The following RAD18 variants were observed in gnomAD, a reference collection of about 807,000 sequenced individuals.
RAD18 encodes RAD18 E3 ubiquitin protein ligase.
In RAD18, 47 loss-of-function variants were observed where a neutral mutation model predicts 60.4. The ratio of observed to expected loss-of-function variants is 0.78; its 90% CI spans 0.62 to 0.99. The LOEUF is 0.99. Ranked by LOEUF, RAD18 falls within the 50% of genes least tolerant of loss-of-function variation. The pLI, the probability that RAD18 is intolerant of heterozygous loss-of-function variation, is 0.00. For synonymous variants in RAD18, 225 were observed against 195.5 expected (o/e 1.15, Z -1.26); for missense variants, 640 against 593.3 (o/e 1.08, Z -0.82).
At chr3:8,950,667 T>C (rs533100613) in intron 2 of RAD18, among the ~76,000 whole-genome samples, 56 of 152,280 alleles carry the variant, frequency 3.7e-4, no homozygotes, top group Middle Eastern at 3.4e-3. Flanking sequence ...ACACACAGTT[T>C]GAAGAAACTG....
At chr3:8,963,195 G>A in intron 1 of RAD18, 140 bp downstream of exon 1, 2 of 931,254 alleles carry the variant, frequency 2.1e-6, no homozygotes, top group Non-Finnish European at 3.1e-6. Flanking sequence ...GTCGGCTAGT[G>A]GCAGGGCAGA....
intron 2 of RAD18, among the ~76,000 whole-genome samples, chr3:8,954,970 AATC>A (rs1165333536): frequency 6.6e-6 from 1 of 152,166 alleles, no homozygotes; most frequent in African/African-American, 2.4e-5. Context: ...TAAAATAAAA[AATC>A]ATCATTACTG....
intron 9 of RAD18, among the ~76,000 whole-genome samples, chr3:8,905,023 C>G (rs1939980351): frequency 6.6e-6 from 1 of 152,206 alleles, no homozygotes; most frequent in Non-Finnish European, 1.5e-5. Context: ...ATAACCCCTA[C>G]TCAGAAAATG....
At chr3:8,922,418 G>A (rs1940339110) in intron 7 of RAD18, among the ~76,000 whole-genome samples, 1 of 152,088 alleles carries the variant, frequency 6.6e-6, no homozygotes, top group African/African-American at 2.4e-5. Flanking sequence ...TGGAGGCTGG[G>A]AAGCTCAAAC....
At chr3:8,946,853 A>G in intron 4 of RAD18, 1 of 179,150 alleles carries the variant, frequency 5.6e-6, no homozygotes, top group South Asian at 1.5e-4. Flanking sequence ...AGTAGCAACA[A>G]GCATACCCAG....
Position 8,936,062 on chromosome 3 carries a change from AG to A in RAD18, c.705-8del, listed in dbSNP as rs745510462. 6 of 1,511,472 alleles carry A rather than the reference AG, an allele frequency of 4.0e-6. No individual in the cohort carries two copies. In the African/African-American group the frequency reaches 4.3e-5, roughly 11 times the overall value. The allele number at this position is 1,511,472 out of a possible 1,614,324, so 93.6% of individuals were successfully genotyped here. On this transcript the variant is annotated splice_region_variant and splice_polypyrimidine_tract_variant and intron_variant, in intron 6 of 12. Transcript: ENST00000264926. Reference sequence around the variant, plus strand: ...CTTCCTTTTGTGAACAGAACTGAAAAGGGGGGAAGATACCTGATGATTATTG... The same window carrying A: ...CTTCCTTTTGTGAACAGAACTGAAAAGGGGGAAGATACCTGATGATTATTG...
intron 10 of RAD18, 61 bp downstream of exon 10, chr3:8,902,319 T>G: frequency 7.3e-7 from 1 of 1,362,006 alleles, no homozygotes; most frequent in African/African-American, 1.5e-5. Flanking sequence ...GTTTAATTTT[T>G]TCATATTAAA....
At chr3:8,923,263 G>A (rs545324051) in intron 7 of RAD18, among the ~76,000 whole-genome samples, 4 of 152,324 alleles carry the variant, frequency 2.6e-5, no homozygotes, top group Non-Finnish European at 1.5e-5. Flanking sequence ...ACTACGTGAC[G>A]AATGCACAAG....
intron 9 of RAD18, among the ~76,000 whole-genome samples, chr3:8,907,090 T>C (rs989363626): frequency 6.6e-6 from 1 of 152,218 alleles, no homozygotes; most frequent in Admixed American, 6.5e-5. Flanking sequence ...TCTAACTCCT[T>C]TGGTTCCTCT....
intron 7 of RAD18, among the ~76,000 whole-genome samples, chr3:8,922,905 AC>A (rs1448212469): frequency 6.6e-6 from 1 of 152,078 alleles, no homozygotes; most frequent in Non-Finnish European, 1.5e-5. Context: ...CCACACCAAA[AC>A]CCCATCTGTA....
chr3:8,959,836 C>T (rs990702035), intron 1 of RAD18, among the ~76,000 whole-genome samples: 2 of 148,568 alleles, frequency 1.3e-5, no homozygotes, highest in Non-Finnish European at 3.0e-5. Flanking sequence ...GAGCCCACAT[C>T]GCACCACTAT....
Position 8,902,503 on chromosome 3 carries a change from C to A in RAD18, c.1045G>T (p.Glu349Ter). The A allele has an allele frequency of 6.2e-7, 1 of 1,603,326 alleles. No individual in the cohort carries two copies. Among genetic ancestry groups the A allele is most frequent in the Non-Finnish European group, 8.5e-7 (1 of 1,176,748 alleles). Residue 349 changes from glutamate to a stop codon, truncating the protein, a stop_gained, in exon 10 of 13, where the codon GAA becomes TAA. Coordinates refer to ENST00000264926, the MANE Select transcript of RAD18 (RefSeq NM_020165.4). LOFTEE classifies it high-confidence loss of function. ...GCCTGATCCACCAGAAGCTGAAATTCACTCTTATGTTTTTTACCTGAAATT... is the reference window on the plus strand; with the variant it reads ...GCCTGATCCACCAGAAGCTGAAATTAACTCTTATGTTTTTTACCTGAAATT... ...HSKYRKKHKS[E>*]FQLLVDQARK...
At chr3:8,939,047 G>A (rs1191265208) in intron 6 of RAD18, among the ~76,000 whole-genome samples, 2 of 151,232 alleles carry the variant, frequency 1.3e-5, no homozygotes, top group African/African-American at 4.9e-5. Context: ...GGTGGTGTGG[G>A]GTATGACATT....
At chr3:8,919,695 G>A (rs1000475801) in intron 7 of RAD18, among the ~76,000 whole-genome samples, 1 of 152,214 alleles carries the variant, frequency 6.6e-6, no homozygotes, top group Admixed American at 6.5e-5. Flanking sequence ...AAGTAGCAAT[G>A]AGCATAGCTG....
chr3:8,951,384 G>C (rs1372376832), intron 2 of RAD18, among the ~76,000 whole-genome samples: 1 of 152,170 alleles, frequency 6.6e-6, no homozygotes. Context: ...ACTATATCCT[G>C]AGAAATTATC....
intron 7 of RAD18, among the ~76,000 whole-genome samples, chr3:8,919,104 G>A (rs1940262753): frequency 6.6e-6 from 1 of 152,140 alleles, no homozygotes; most frequent in African/African-American, 2.4e-5. Flanking sequence ...ACCACAGTGT[G>A]GAATATCAGG....
chr3:8,936,326 G>C (rs1481442795), intron 6 of RAD18, among the ~76,000 whole-genome samples: 2 of 152,124 alleles, frequency 1.3e-5, no homozygotes, highest in African/African-American at 4.8e-5. Flanking sequence ...ACCTAAAGAG[G>C]CACACTTAGA....
intron 9 of RAD18, among the ~76,000 whole-genome samples, chr3:8,907,463 C>G (rs958377346): frequency 6.6e-6 from 1 of 152,176 alleles, no homozygotes; most frequent in Admixed American, 6.5e-5. Context: ...CACCCTTAAC[C>G]TGGGACCTTG....
intron 9 of RAD18, among the ~76,000 whole-genome samples, chr3:8,905,195 C>T (rs185024611): frequency 1.3e-5 from 2 of 152,230 alleles, no homozygotes; most frequent in African/African-American, 2.4e-5. Flanking sequence ...AGTGGCTCAG[C>T]TAGTCGTGGG....
Sources: allele counts gnomAD v4.1 joint callset (sites outside exome capture counted in the v4.1 genomes callset), GRCh38; gene constraint gnomAD v4.1.1; transcripts MANE v1.5; gene names NCBI Gene and HGNC (gene_info 2026-07-23, HGNC 2026-07-21).